DAB1: variants seen among roughly 807,000 people sequenced by gnomAD.
DAB1 encodes the protein disabled homolog 1.
DAB1 carries 15 observed loss-of-function variants against 64.6 expected under a neutral mutation model. That is an observed-to-expected ratio of 0.23 (90% CI 0.16 to 0.36). DAB1 has a LOEUF of 0.36. DAB1 is among the 10% of genes least tolerant of loss of function. DAB1 has a pLI of 1.00. For missense variants in DAB1, 596 were observed against 706.7 expected (o/e 0.84, Z 1.78); for synonymous variants, 235 against 251.9 (o/e 0.93, Z 0.64).
chr1:57,912,581 A>C (rs1644662556), intron 5 of DAB1, among the ~76,000 whole-genome samples: 1 of 152,178 alleles, frequency 6.6e-6, no homozygotes, highest in Admixed American at 6.5e-5. Context: ...TAGTGTTGGA[A>C]GTTCTGGCCA....
At chr1:58,312,157 C>A (rs1048961127) in intron 4 of DAB1, among the ~76,000 whole-genome samples, 1 of 152,144 alleles carries the variant, frequency 6.6e-6, no homozygotes, top group Admixed American at 6.5e-5. Flanking sequence ...CAAGCATAAT[C>A]CCTGCTCGGT....
At chr1:57,251,212 T>C (rs1413971245) in intron 2 of DAB1, among the ~76,000 whole-genome samples, 2 of 152,230 alleles carry the variant, frequency 1.3e-5, no homozygotes, top group East Asian at 3.8e-4. Flanking sequence ...TTTAAATGGT[T>C]AACTGTCTGT....
intron 1 of DAB1, among the ~76,000 whole-genome samples, chr1:57,381,580 G>A (rs942561916): frequency 6.6e-6 from 1 of 152,108 alleles, no homozygotes; most frequent in Non-Finnish European, 1.5e-5. Flanking sequence ...GGTCCGGGAA[G>A]CAGCCCCGTC....
intron 7 of DAB1, among the ~76,000 whole-genome samples, chr1:57,475,910 T>A (rs890052393): frequency 5.3e-5 from 8 of 152,222 alleles, no homozygotes; most frequent in African/African-American, 1.9e-4. Context: ...TGAATGTACT[T>A]GGAGCTTAGG....
chr1:57,053,889 G>A (rs551281396), intron 9 of DAB1, among the ~76,000 whole-genome samples: 95 of 151,700 alleles, frequency 6.3e-4, no homozygotes, highest in African/African-American at 2.2e-3. Context: ...GTTTCACCAT[G>A]TTGGCCAGGT....
At chr1:58,381,526 C>A (rs1042431667) in intron 3 of DAB1, among the ~76,000 whole-genome samples, 4 of 152,112 alleles carry the variant, frequency 2.6e-5, no homozygotes, top group East Asian at 3.8e-4. Flanking sequence ...CAGTTGGGAC[C>A]TATTGTAAAC....
chr1:58,396,507 G>T (rs917509761), intron 3 of DAB1, among the ~76,000 whole-genome samples: 1 of 151,934 alleles, frequency 6.6e-6, no homozygotes, highest in African/African-American at 2.4e-5. Context: ...GTGTGGCGGT[G>T]GGGGCGGGCA....
intron 5 of DAB1, among the ~76,000 whole-genome samples, chr1:57,964,633 C>T (rs965799492): frequency 6.6e-6 from 1 of 152,192 alleles, no homozygotes; most frequent in Non-Finnish European, 1.5e-5. Flanking sequence ...CCCCTGCCTT[C>T]CCCACTAGAC....
intron 3 of DAB1, among the ~76,000 whole-genome samples, chr1:58,381,286 G>T (rs1202848103): frequency 6.6e-6 from 1 of 151,966 alleles, no homozygotes; most frequent in Non-Finnish European, 1.5e-5. Context: ...TGCTACACAT[G>T]TATCCCCGAA....
At chr1:57,421,905 G>GGGGGGGGGGGGGGC (rs1558356112) in intron 1 of DAB1, among the ~76,000 whole-genome samples, 1 of 100,492 alleles carries the variant, frequency 1.0e-5, no homozygotes, top group African/African-American at 4.0e-5. Context: ...GGGGTGGCGG[G>GGGGGGGGGGGGGGC]GGGGGGGGTG....
At chr1:58,540,462 G>A (rs1428792383) in intron 1 of DAB1, among the ~76,000 whole-genome samples, 1 of 151,688 alleles carries the variant, frequency 6.6e-6, no homozygotes, top group Non-Finnish European at 1.5e-5. Context: ...TAGTAGATAA[G>A]GATATTAGTT....
intron 2 of DAB1, among the ~76,000 whole-genome samples, chr1:57,290,472 G>A (rs560597816): frequency 2.0e-4 from 31 of 152,238 alleles, no homozygotes; most frequent in African/African-American, 5.5e-4. Context: ...GGGTCCAGCC[G>A]GAGTTTGACA....
At chr1:57,238,749 A>T (rs1307105892) in intron 2 of DAB1, among the ~76,000 whole-genome samples, 1 of 152,038 alleles carries the variant, frequency 6.6e-6, no homozygotes, top group Non-Finnish European at 1.5e-5. Flanking sequence ...ATGTACAATG[A>T]CTGGAAATAG....
chr1:58,044,460 A>G (rs944290014), intron 5 of DAB1, among the ~76,000 whole-genome samples: 5 of 150,118 alleles, frequency 3.3e-5, no homozygotes, highest in South Asian at 2.1e-4. Flanking sequence ...TATGCGACCA[A>G]CTCCTTTATT....
intron 4 of DAB1, among the ~76,000 whole-genome samples, chr1:58,257,242 A>G (rs933662295): frequency 6.6e-5 from 10 of 152,218 alleles, no homozygotes; most frequent in Non-Finnish European, 1.0e-4. Flanking sequence ...TTTAAAGGCC[A>G]CATTAGTAAG....
chr1:58,297,496 G>A (rs1662021310), intron 4 of DAB1, among the ~76,000 whole-genome samples: 1 of 152,152 alleles, frequency 6.6e-6, no homozygotes, highest in South Asian at 2.1e-4. Context: ...CAGAGTGAGT[G>A]CTCAATGGTG....
At chr1:58,170,628 C>T (rs1476356272) in intron 4 of DAB1, among the ~76,000 whole-genome samples, 1 of 152,116 alleles carries the variant, frequency 6.6e-6, no homozygotes, top group African/African-American at 2.4e-5. Context: ...TCAGAGAGGA[C>T]AGTAAATGGA....
intron 5 of DAB1, chr1:58,048,307 C>A (rs1647378054): frequency 1.7e-6 from 2 of 1,201,932 alleles, no homozygotes; most frequent in Non-Finnish European, 1.2e-6. Flanking sequence ...AATCTCCCCC[C>A]TTCATGGGTC....
chr1:57,310,253 G>A (rs144829032), intron 1 of DAB1, among the ~76,000 whole-genome samples: 6 of 152,258 alleles, frequency 3.9e-5, no homozygotes, highest in East Asian at 3.9e-4. Context: ...AAGGCCATAC[G>A]GAGATGACAT....
Sources: allele counts gnomAD v4.1 joint callset (sites outside exome capture counted in the v4.1 genomes callset), GRCh38; gene constraint gnomAD v4.1.1; transcripts MANE v1.5; gene names NCBI Gene and HGNC (gene_info 2026-07-23, HGNC 2026-07-21).